The following CDH8 variants were observed in gnomAD, a reference collection of about 807,000 sequenced individuals.
CDH8 encodes cadherin-8.
A neutral mutation model predicts 68.1 loss-of-function variants in CDH8; 17 were observed. The observed-to-expected ratio is 0.25, with a 90% confidence interval of 0.17 to 0.37. The LOEUF is 0.37. CDH8 is among the 10% of genes least tolerant of loss of function. The probability of loss-of-function intolerance (pLI) is 1.00; values close to 1 mark genes in which losing one functional copy is unlikely to be tolerated. For missense variants in CDH8, 763 were observed against 999.3 expected (o/e 0.76, Z 3.19); for synonymous variants, 372 against 365.1 (o/e 1.02, Z -0.21).
intron 4 of CDH8, among the ~76,000 whole-genome samples, chr16:61,847,607 G>T (rs1272176763): frequency 6.7e-6 from 1 of 148,506 alleles, no homozygotes; most frequent in African/African-American, 2.5e-5. Flanking sequence ...GAGGTGGGTG[G>T]AAACTTATGA....
chr16:61,959,850 T>A (rs1893618081), intron 2 of CDH8, among the ~76,000 whole-genome samples: 2 of 148,196 alleles, frequency 1.3e-5, no homozygotes, highest in Admixed American at 6.8e-5. Flanking sequence ...TATATATACA[T>A]ATATGTATAT....
chr16:61,948,522 A>G (rs750392828), intron 2 of CDH8, among the ~76,000 whole-genome samples: 30 of 152,162 alleles, frequency 2.0e-4, no homozygotes, highest in Non-Finnish European at 1.3e-4. Context: ...GAGCTTCCCT[A>G]CTCAAAGGTT....
At chr16:61,744,018 G>C (rs1227674972) in intron 8 of CDH8, among the ~76,000 whole-genome samples, 5 of 152,004 alleles carry the variant, frequency 3.3e-5, no homozygotes, top group African/African-American at 1.2e-4. Context: ...CTGCTCAGAA[G>C]GTATATACTG....
intron 2 of CDH8, among the ~76,000 whole-genome samples, chr16:62,008,980 G>C (rs4784171): frequency 0.019 from 2,809 of 150,440 alleles, 40 homozygotes; most frequent in Middle Eastern, 0.031. Context: ...TATGACAAAA[G>C]GCAAACTGCA....
intron 2 of CDH8, among the ~76,000 whole-genome samples, chr16:61,991,233 C>T (rs543776198): frequency 3.3e-5 from 5 of 152,108 alleles, no homozygotes; most frequent in Non-Finnish European, 5.9e-5. Context: ...TAAGCAGGGG[C>T]GGAAGGGAAG....
At chr16:61,731,689 T>C (rs1173677677) in intron 8 of CDH8, among the ~76,000 whole-genome samples, 1 of 151,748 alleles carries the variant, frequency 6.6e-6, no homozygotes, top group Non-Finnish European at 1.5e-5. Flanking sequence ...CATTGTATTA[T>C]TGAAAATATC....
At chr16:62,008,873 C>T (rs914508931) in intron 2 of CDH8, among the ~76,000 whole-genome samples, 6 of 151,890 alleles carry the variant, frequency 4.0e-5, no homozygotes, top group African/African-American at 1.5e-4. Context: ...CCTACAAAGT[C>T]AAGGATGCAA....
intron 3 of CDH8, among the ~76,000 whole-genome samples, chr16:61,888,293 G>A (rs1298519717): frequency 1.3e-5 from 2 of 152,170 alleles, no homozygotes; most frequent in Non-Finnish European, 2.9e-5. Flanking sequence ...GACAGATATA[G>A]ATAGGCTCCA....
chr16:61,796,215 C>A (rs1314690727), intron 7 of CDH8, among the ~76,000 whole-genome samples: 1 of 151,770 alleles, frequency 6.6e-6, no homozygotes, highest in African/African-American at 2.4e-5. Flanking sequence ...TAATTTGGAT[C>A]CTACTTTTCA....
intron 2 of CDH8, among the ~76,000 whole-genome samples, chr16:61,999,000 G>C (rs1597117258): frequency 6.6e-6 from 1 of 152,102 alleles, no homozygotes; most frequent in East Asian, 1.9e-4. Flanking sequence ...GATCAGTTAA[G>C]TACAAGAGTC....
rs1430390343 is a variant in CDH8, at chr16:61,779,458, TGTGTGTGCGC to T, written c.1414+9878_1414+9887del. Among the ~76,000 whole-genome samples, 11 of 148,976 alleles carry T rather than the reference TGTGTGTGCGC, an allele frequency of 7.4e-5. No homozygotes were observed. In the East Asian group the frequency reaches 1.1e-3, roughly 14 times the overall value. Reference sequence around the variant, plus strand: ...GTGTGTGTGTGTGTGTGTGTGTGTGTGTGTGTGCGCGCATGGTGAGGGAAACAAGGAAGAA... The same window carrying T: ...GTGTGTGTGTGTGTGTGTGTGTGTGTGCATGGTGAGGGAAACAAGGAAGAA... On this transcript the variant is annotated intron_variant, in intron 8 of 11. Transcript: ENST00000577390.
intron 2 of CDH8, among the ~76,000 whole-genome samples, chr16:61,921,219 C>T (rs1284740194): frequency 6.7e-6 from 1 of 149,440 alleles, no homozygotes; most frequent in East Asian, 2.0e-4. Context: ...CTAACCTGCA[C>T]AATGTGCACA....
chr16:61,797,049 C>T (rs1961516507), intron 7 of CDH8, among the ~76,000 whole-genome samples: 1 of 152,044 alleles, frequency 6.6e-6, no homozygotes. Context: ...CAGCTGCATA[C>T]ATTTCATACT....
At chr16:61,757,733 A>G (rs1176921226) in intron 8 of CDH8, among the ~76,000 whole-genome samples, 1 of 152,146 alleles carries the variant, frequency 6.6e-6, no homozygotes, top group Non-Finnish European at 1.5e-5. Context: ...AGTGATGGCC[A>G]CCACCAATTT....
chr16:61,953,928 A>ATATATATATATATAT (rs1964941106), intron 2 of CDH8, among the ~76,000 whole-genome samples: 2 of 123,838 alleles, frequency 1.6e-5, no homozygotes, highest in African/African-American at 7.7e-5. Context: ...TATATATATA[A>ATATATATATATATAT]AATACCTTAA....
chr16:61,760,725 T>C (rs1047041020), intron 8 of CDH8, among the ~76,000 whole-genome samples: 2 of 152,206 alleles, frequency 1.3e-5, no homozygotes, highest in African/African-American at 4.8e-5. Flanking sequence ...TAATATTGAC[T>C]ATTTGTCATA....
chr16:61,951,222 G>T (rs1964892006), intron 2 of CDH8, among the ~76,000 whole-genome samples: 1 of 151,946 alleles, frequency 6.6e-6, no homozygotes, highest in South Asian at 2.1e-4. Context: ...TATAAAAGAT[G>T]CCATATGGGC....
At position 61,959,863 on chromosome 16, in the gene CDH8, G is replaced by GTA. The variant is rs1567545296; in HGVS notation, c.253-58391_253-58390insTA. On this transcript the variant is annotated intron_variant, in intron 2 of 11. Coordinates refer to ENST00000577390, the MANE Select transcript of CDH8 (RefSeq NM_001796.5). Reference sequence around the variant, plus strand: ...TATATATATACATATATGTATATATGTGTGCATATATATGTGTATATGTGT... The same window carrying GTA: ...TATATATATACATATATGTATATATGTATGTGCATATATATGTGTATATGTGT... 2.1e-5 allele frequency among the ~76,000 whole-genome samples: 3 copies of GTA among 145,674 alleles called. No individual in the cohort carries two copies. In the East Asian group the frequency reaches 6.1e-4, roughly 30 times the overall value.
chr16:61,677,890 G>C (rs1333447570), intron 10 of CDH8, among the ~76,000 whole-genome samples: 2 of 151,834 alleles, frequency 1.3e-5, no homozygotes, highest in Admixed American at 6.6e-5. Flanking sequence ...CCTCCCTTTT[G>C]GAATTAAGGA....
Sources: allele counts gnomAD v4.1 joint callset (sites outside exome capture counted in the v4.1 genomes callset), GRCh38; gene constraint gnomAD v4.1.1; transcripts MANE v1.5; gene names NCBI Gene and HGNC (gene_info 2026-07-23, HGNC 2026-07-21).